Variants in PPP2R3B observed in about 807,000 individuals in gnomAD.
PPP2R3B encodes the protein serine/threonine-protein phosphatase 2A regulatory subunit B'' subunit beta.
PPP2R3B carries 68 observed loss-of-function variants against 72.9 expected under a neutral mutation model. That is an observed-to-expected ratio of 0.93 (90% CI 0.77 to 1.14). The LOEUF (loss-of-function observed/expected upper bound fraction) is 1.14, where lower values mean the gene tolerates loss of function less well. PPP2R3B is among the 50% of genes most tolerant of loss of function. The probability of loss-of-function intolerance (pLI) is 0.00; values close to 1 mark genes in which losing one functional copy is unlikely to be tolerated. For synonymous variants in PPP2R3B, 466 were observed against 375.8 expected (o/e 1.24, Z -2.78); for missense variants, 1,018 against 842.0 (o/e 1.21, Z -2.59).
At chrX:372,108 G>A (rs774790846) in intron 1 of PPP2R3B, among the ~76,000 whole-genome samples, 3 of 152,214 alleles carry the variant, frequency 2.0e-5, no homozygotes, top group Non-Finnish European at 4.4e-5. Flanking sequence ...CATTGACTCT[G>A]CGACCAGCGA....
intron 1 of PPP2R3B, among the ~76,000 whole-genome samples, chrX:374,495 A>G (rs1186630999): frequency 6.6e-6 from 1 of 152,128 alleles, no homozygotes; most frequent in Non-Finnish European, 1.5e-5. Flanking sequence ...CTTGTTTGCA[A>G]TCGTATTTAG....
chrX:367,811 G>A (rs760312683), intron 1 of PPP2R3B, among the ~76,000 whole-genome samples: 9 of 150,596 alleles, frequency 6.0e-5, no homozygotes, highest in African/African-American at 2.5e-5. Flanking sequence ...AGAAAGACAG[G>A]AGATATATGT....
intron 1 of PPP2R3B, among the ~76,000 whole-genome samples, chrX:370,442 C>T (rs977929325): frequency 1.6e-4 from 24 of 152,104 alleles, no homozygotes; most frequent in Admixed American, 1.4e-3. Flanking sequence ...CCACAGAGCT[C>T]GGAAGGCTGG....
At chrX:354,434 C>T (rs2071400986) in intron 2 of PPP2R3B, among the ~76,000 whole-genome samples, 3 of 152,394 alleles carry the variant, frequency 2.0e-5, no homozygotes, top group South Asian at 4.1e-4. Flanking sequence ...CACACTCAGA[C>T]GTCAGTCAGG....
chrX:358,542 A>G (rs2071479906), intron 2 of PPP2R3B, among the ~76,000 whole-genome samples: 2 of 152,216 alleles, frequency 1.3e-5, no homozygotes. Flanking sequence ...CCGCTGGGTC[A>G]CACCCAGGTC....
intron 2 of PPP2R3B, among the ~76,000 whole-genome samples, chrX:353,425 T>C (rs2071370538): frequency 6.6e-6 from 1 of 151,356 alleles, no homozygotes; most frequent in Non-Finnish European, 1.5e-5. Context: ...ATTGAAACAA[T>C]TCATGCTGTC....
chrX:346,836 G>A, intron 4 of PPP2R3B, 61 bp from the exon 5 acceptor site: 1 of 1,491,398 alleles, frequency 6.7e-7, no homozygotes, highest in South Asian at 1.2e-5. Context: ...GAGGTGTGCG[G>A]TGTGGACGCT....
At chrX:378,496 C>A (rs769971523) in intron 1 of PPP2R3B, among the ~76,000 whole-genome samples, 32 of 152,274 alleles carry the variant, frequency 2.1e-4, no homozygotes, top group African/African-American at 6.7e-4. Context: ...AAGCTAAAAG[C>A]ATAGCTAGTA....
At position 340,913 on chromosome X, in the gene PPP2R3B, G is replaced by A; in HGVS notation, c.1203C>T (p.Asp401=). The A allele has an allele frequency of 1.2e-6, 2 of 1,611,776 alleles. No homozygotes were observed. The highest frequency in any genetic ancestry group is 8.5e-7 in the Non-Finnish European group (1 of 1,179,608). The change falls in exon 10 of 13, where the codon GAC becomes GAT. Residue 401 remains aspartate, a synonymous_variant. Transcript: ENST00000390665. Reference sequence around the variant, plus strand: ...TGGACAGGGCGCCGTCCCCGTCCAGGTCCATGCAGCGGAACCAGTACTCGA... The same window carrying A: ...TGGACAGGGCGCCGTCCCCGTCCAGATCCATGCAGCGGAACCAGTACTCGA... ...TSIEYWFRCM[D]LDGDGALSMF... is the part of the protein sequence containing the mutation.
chrX:381,550 G>A (rs2072124111), intron 1 of PPP2R3B, among the ~76,000 whole-genome samples: 1 of 151,042 alleles, frequency 6.6e-6, no homozygotes, highest in African/African-American at 2.4e-5. Context: ...TGTTAACGTG[G>A]CCTCGCGTAT....
intron 2 of PPP2R3B, among the ~76,000 whole-genome samples, chrX:352,280 C>T (rs951662603): frequency 6.6e-6 from 1 of 152,230 alleles, no homozygotes; most frequent in Non-Finnish European, 1.5e-5. Context: ...AGACCGACTC[C>T]TTGTGGGGCC....
chrX:338,311 C>T (rs1432176868), intron 12 of PPP2R3B: 13 of 560,732 alleles, frequency 2.3e-5, no homozygotes, highest in South Asian at 1.0e-4. Flanking sequence ...TGGCGAAACA[C>T]GACTCGGCCT....
rs776665224 is a variant in PPP2R3B at position 341,865 on chromosome X, C to A, written c.1085+18G>T. On this transcript the variant is annotated intron_variant, in intron 8 of 12. Coordinates refer to ENST00000390665, the MANE Select transcript of PPP2R3B (RefSeq NM_013239.5). ...CGCAGGGGCAATGGCTGCCGTCAGG[C>A]GCCTGAGCCGTACGTACCGTGTGAC... 6.2e-7 allele frequency: 1 copy of A among 1,612,402 alleles called. No individual in the cohort carries two copies. Among genetic ancestry groups the A allele is most frequent in the Non-Finnish European group, 8.5e-7 (1 of 1,179,572 alleles).
At chrX:359,724 C>A (rs1480837583) in intron 2 of PPP2R3B, 1 of 396,416 alleles carries the variant, frequency 2.5e-6, no homozygotes, top group Non-Finnish European at 4.9e-6. Context: ...GCTAATTTTT[C>A]TCTAAGAAAT....
intron 1 of PPP2R3B, among the ~76,000 whole-genome samples, chrX:374,757 A>G (rs1286509773): frequency 6.6e-6 from 1 of 152,096 alleles, no homozygotes; most frequent in Non-Finnish European, 1.5e-5. Context: ...ACGGGTCACT[A>G]TCACCCCGAG....
intron 1 of PPP2R3B, 48 bp downstream of exon 1, chrX:386,320 C>A: frequency 7.8e-7 from 1 of 1,283,492 alleles, no homozygotes; most frequent in Non-Finnish European, 9.9e-7. Flanking sequence ...GCCCACTATG[C>A]GACCAGAGCC....
intron 1 of PPP2R3B, among the ~76,000 whole-genome samples, chrX:370,149 C>A (rs1390468339): frequency 6.6e-6 from 1 of 152,184 alleles, no homozygotes; most frequent in African/African-American, 2.4e-5. Flanking sequence ...GGTGTTTACA[C>A]AGAGGAGCCG....
intron 4 of PPP2R3B, 72 bp from the exon 5 acceptor site, chrX:346,847 G>C (rs1351052945): frequency 7.3e-7 from 1 of 1,373,412 alleles, no homozygotes; most frequent in Non-Finnish European, 1.0e-6. Flanking sequence ...TGTGGACGCT[G>C]CAGACGCGGA....
At chrX:371,655 C>T (rs975196044) in intron 1 of PPP2R3B, among the ~76,000 whole-genome samples, 3 of 152,232 alleles carry the variant, frequency 2.0e-5, no homozygotes, top group East Asian at 1.9e-4. Flanking sequence ...CGGGAGCGTC[C>T]GAAGGCGGAG....
Sources: gnomAD v4.1 joint callset for allele counts (sites outside exome capture counted in the v4.1 genomes callset) on GRCh38, gnomAD v4.1.1 for gene constraint, MANE v1.5 for transcripts, NCBI Gene and HGNC (gene_info 2026-07-23, HGNC 2026-07-21) for gene names.